Variants in ZIC4 observed in about 807,000 individuals in gnomAD.
ZIC4 encodes zinc finger protein ZIC 4.
A neutral mutation model predicts 28.8 loss-of-function variants in ZIC4; 15 were observed. The observed-to-expected ratio is 0.52, with a 90% CI of 0.35 to 0.80. The LOEUF is 0.80. Among genes scored for constraint, ZIC4 ranks in the 30% least tolerant of loss-of-function variants. ZIC4 has a pLI of 0.01. For missense variants in ZIC4, 512 were observed against 467.1 expected (o/e 1.10, Z -0.89); for synonymous variants, 220 against 198.1 (o/e 1.11, Z -0.93).
At position 147,387,615 on chromosome 3, in the gene ZIC4, C is replaced by G. The variant is rs368640783; in HGVS notation, c.*1244G>C. 8.5e-5 allele frequency: 13 copies of G among 152,652 alleles called. No homozygotes were observed. Among genetic ancestry groups the G allele is most frequent in the African/African-American group, 2.9e-4 (12 of 41,524 alleles). The allele number at this position is 152,652 out of a possible 1,614,324, so 9.5% of individuals were successfully genotyped here. ...ATAAACAACAAGACAATTAAGGGAA[C>G]ATGGACTTCTAACTTTCCTGCCATC... On this transcript the variant is annotated 3_prime_UTR_variant, in exon 5 of 5. Coordinates refer to ENST00000383075, the MANE Select transcript of ZIC4 (RefSeq NM_032153.6).
rs367841912 is a variant in ZIC4 at position 147,396,331 on chromosome 3, T to C, written c.209A>G (p.Asp70Gly). The change falls in exon 3 of 5, where the codon GAC becomes GGC. Residue 70 changes from aspartate (D) to glycine (G), a missense_variant. Asp to Gly is a moderately conservative substitution (Grantham distance 94). Transcript: ENST00000383075. This position sits in a 1 kb window ranked among gnomAD's most constrained non-coding sequence, Gnocchi z 4.2. ...GAAGGGCTCCGGCCGCGCGTACATG[T>C]CTCCAGGGAGCCCCAGACGCAGGAG... ...NGLLRLGLPGDMYARPEPFPP... is the reference protein window; with the variant it reads ...NGLLRLGLPGGMYARPEPFPP... 51 of 1,585,022 alleles carry C rather than the reference T, an allele frequency of 3.2e-5. No homozygotes were observed. The African/African-American group carries it at 6.0e-4, about 19-fold the overall frequency.
intron 1 of ZIC4, chr3:147,405,495 C>G (rs983314935): frequency 2.0e-6 from 3 of 1,536,088 alleles, no homozygotes; most frequent in African/African-American, 1.4e-5. Context: ...CAGATCCAAC[C>G]TTTGAGCCAG....
At position 147,392,081 on chromosome 3, in the gene ZIC4, A is replaced by G. The variant is rs571494693; in HGVS notation, c.689-835T>C. On this transcript the variant is annotated intron_variant, in intron 3 of 4. Transcript: ENST00000383075. ...TGGGCAGCTGGCCCTCCCAGTCCGCACTGACTTGCGATGTCGACCGGTCTG... is the reference window on the plus strand; with the variant it reads ...TGGGCAGCTGGCCCTCCCAGTCCGCGCTGACTTGCGATGTCGACCGGTCTG... The G allele has an allele frequency of 8.1e-6, 8 of 985,450 alleles. No individual in the cohort carries two copies. In the East Asian group the frequency reaches 6.8e-4, roughly 84 times the overall value. The allele number at this position is 985,450 out of a possible 1,614,324, so 61.0% of individuals were successfully genotyped here.
At chr3:147,401,534 G>T (rs180858258) in intron 2 of ZIC4, among the ~76,000 whole-genome samples, 30 of 152,210 alleles carry the variant, frequency 2.0e-4, no homozygotes, top group Admixed American at 9.8e-4. Flanking sequence ...CCCTGTTTCT[G>T]GCCAGGTTGC....
At chr3:147,401,559 G>C (rs2087165395) in intron 2 of ZIC4, among the ~76,000 whole-genome samples, 2 of 152,094 alleles carry the variant, frequency 1.3e-5, no homozygotes, top group African/African-American at 4.8e-5. Context: ...CTAAACAGAG[G>C]TAAATTTCTT....
Position 147,396,193 on chromosome 3 carries a change from A to T in ZIC4, c.347T>A (p.Phe116Tyr). The T allele has an allele frequency of 6.2e-7, 1 of 1,614,120 alleles. No individual in the cohort carries two copies. The highest frequency in any genetic ancestry group is 8.5e-7 in the Non-Finnish European group (1 of 1,180,012). ...NLAAPHGPGA[F>Y]FRYMRQPIKQ... ...GATGGGCTGGCGCATGTAGCGGAAG[A>T]AAGCGCCAGGACCGTGGGGCGCAGC... The change falls in exon 3 of 5, where the codon TTC (phenylalanine) becomes TAC (tyrosine). Residue 116 changes from phenylalanine (F) to tyrosine (Y), a missense_variant. Phe to Tyr is a conservative substitution (Grantham distance 22). Coordinates refer to ENST00000383075, the MANE Select transcript of ZIC4 (RefSeq NM_032153.6). The surrounding 1 kb of genome is among the most constrained non-coding windows in gnomAD (Gnocchi z 4.2).
At position 147,396,170 on chromosome 3, in the gene ZIC4, T is replaced by C; in HGVS notation, c.370A>G (p.Ile124Val). 6.2e-7 allele frequency: 1 copy of C among 1,614,082 alleles called. No individual in the cohort carries two copies. Among genetic ancestry groups the C allele is most frequent in the South Asian group, 1.1e-5 (1 of 91,078 alleles). ...GAFFRYMRQP[I>V]KQELICKWLA... ...CACTTGCAGATGAGCTCCTGTTTGA[T>C]GGGCTGGCGCATGTAGCGGAAGAAA... Residue 124 changes from isoleucine (I) to valine (V), a missense_variant, in exon 3 of 5, where the codon ATC becomes GTC. By Grantham distance (29) the Ile-to-Val change is conservative. Transcript: ENST00000383075. This position sits in a 1 kb window ranked among gnomAD's most constrained non-coding sequence, Gnocchi z 4.2.
intron 4 of ZIC4, chr3:147,389,097 T>G: frequency 1.7e-6 from 1 of 572,814 alleles, no homozygotes; most frequent in South Asian, 2.3e-5. Flanking sequence ...AGGAGTTGTT[T>G]GTTGCCGACT....
At chr3:147,403,921 T>G (rs1434995374) in intron 1 of ZIC4, 11 of 1,504,508 alleles carry the variant, frequency 7.3e-6, no homozygotes, top group Non-Finnish European at 8.8e-6. Context: ...CCATCTCCCC[T>G]CTTTTCTAGG....
chr3:147,405,324 T>C (rs932109221), intron 1 of ZIC4: 27 of 1,480,268 alleles, frequency 1.8e-5, no homozygotes, highest in Non-Finnish European at 2.4e-5. Flanking sequence ...CATGCAGTGG[T>C]GTGGGTCGCT....
intron 3 of ZIC4, chr3:147,392,428 G>A: frequency 1.0e-6 from 1 of 985,508 alleles, no homozygotes; most frequent in Non-Finnish European, 1.2e-6. Flanking sequence ...CTCACGGCCA[G>A]CTGAATTCGC....
Position 147,386,409 on chromosome 3 carries a change from G to A in ZIC4, c.*2450C>T, listed in dbSNP as rs1287488733. 6.6e-6 allele frequency: 1 copy of A among 152,602 alleles called. No homozygotes were observed. 9.5% of individuals were successfully genotyped at this position (152,602 alleles called of 1,614,324 possible). On this transcript the variant is annotated 3_prime_UTR_variant, in exon 5 of 5. Coordinates refer to ENST00000383075, the MANE Select transcript of ZIC4 (RefSeq NM_032153.6). The stretch of plus-strand genomic sequence containing the variant: ...CCTGTCTGTATAATTCACATTCATT[G>A]CAATTATTACATTTTCTCATAAATT...
rs575059835 is a variant in ZIC4, at chr3:147,386,850, G to C, written c.*2009C>G. The C allele has an allele frequency of 2.6e-5, 4 of 152,262 alleles. No individual in the cohort carries two copies. Among genetic ancestry groups the C allele is most frequent in the African/African-American group, 9.6e-5 (4 of 41,538 alleles). The allele number at this position is 152,262 out of a possible 1,614,324, so 9.4% of individuals were successfully genotyped here. A position where few individuals can be genotyped will look rare whatever the true frequency, so the allele number is the denominator to read the frequency against. The stretch of plus-strand genomic sequence containing the variant: ...TTCAGCTATTCTCCTTCTTATTAAC[G>C]GCAGAAAGGGCTTGTTGATTGCTGC... On this transcript the variant is annotated 3_prime_UTR_variant, in exon 5 of 5. Transcript: ENST00000383075.
chr3:147,398,796 T>C (rs1047525761), intron 2 of ZIC4, among the ~76,000 whole-genome samples: 1 of 152,150 alleles, frequency 6.6e-6, no homozygotes, highest in African/African-American at 2.4e-5. Flanking sequence ...CAATGCTGAA[T>C]AGAAATTGAC....
intron 4 of ZIC4, among the ~76,000 whole-genome samples, chr3:147,390,219 T>A: frequency 7.1e-6 from 1 of 141,014 alleles, no homozygotes; most frequent in Non-Finnish European, 1.5e-5. Context: ...CTCCCTTACC[T>A]CCTTTATAGA....
intron 1 of ZIC4, 27 bp from the exon 2 acceptor site, chr3:147,402,839 C>A: frequency 6.2e-7 from 1 of 1,601,114 alleles, no homozygotes; most frequent in South Asian, 1.1e-5. Flanking sequence ...GAGTGACAGT[C>A]ACTAGTTAAA....
intron 3 of ZIC4, among the ~76,000 whole-genome samples, chr3:147,395,207 T>G (rs1227854571): frequency 6.6e-6 from 1 of 152,244 alleles, no homozygotes; most frequent in African/African-American, 2.4e-5. Flanking sequence ...ACTCCTTTTT[T>G]TCTGTTAACT....
rs752817308 is a variant in ZIC4 at position 147,391,028 on chromosome 3, G to A, written c.907C>T (p.Pro303Ser). Residue 303 changes from proline to serine, a missense_variant, in exon 4 of 5, where the codon CCG (proline) becomes TCG (serine). Around this residue, in one of 3 missense-constraint regions of ZIC4, gnomAD observed 144 missense variants for 116.8 expected, o/e 1.23. Coordinates refer to ENST00000383075, the MANE Select transcript of ZIC4 (RefSeq NM_032153.6). ...GACGAGGGCGACACGAGGGCAGACG[G>A]TGTAGCCGAATCGTAGCCAGAGCTG... ...PPSSGYDSATPSALVSPSSDC... is the reference protein window; with the variant it reads ...PPSSGYDSATSSALVSPSSDC... 2 of 1,613,690 alleles carry A rather than the reference G, an allele frequency of 1.2e-6. No homozygotes were observed. Among genetic ancestry groups the A allele is most frequent in the African/African-American group, 2.7e-5 (2 of 74,930 alleles).
At chr3:147,397,343 T>TCA (rs1269731691) in intron 2 of ZIC4, among the ~76,000 whole-genome samples, 1 of 151,584 alleles carries the variant, frequency 6.6e-6, no homozygotes, top group Non-Finnish European at 1.5e-5. Flanking sequence ...TCTCTCTCTC[T>TCA]CACACTTCCC....
Sources: allele counts gnomAD v4.1 joint callset (sites outside exome capture counted in the v4.1 genomes callset), GRCh38; gene constraint gnomAD v4.1.1; regional missense constraint gnomAD v4.1.1; non-coding constraint Gnocchi (gnomAD v3.1); transcripts MANE v1.5; gene names NCBI Gene and HGNC (gene_info 2026-07-23, HGNC 2026-07-21).